Variants in ACCSL observed in about 807,000 individuals in gnomAD.
ACCSL encodes 1-aminocyclopropane-1-carboxylate synthase homolog (inactive) like.
A neutral mutation model predicts 61.7 loss-of-function variants in ACCSL; 55 were observed. The observed-to-expected ratio is 0.89, with a 90% CI of 0.72 to 1.12. ACCSL has a LOEUF of 1.12. ACCSL is among the 50% of genes most tolerant of loss of function. The pLI is 0.00. For missense variants in ACCSL, 632 were observed against 698.0 expected, an observed-to-expected ratio of 0.91 and a Z score of 1.07; for synonymous variants, 258 against 264.3, an observed-to-expected ratio of 0.98 and a Z score of 0.23.
At chr11:44,044,676 A>G (rs1468904280), upstream of ACCSL, among the ~76,000 whole-genome samples, 1 of 152,184 alleles carries the variant, frequency 6.6e-6, no homozygotes, top group African/African-American at 2.4e-5. Flanking sequence ...CTTGTAGGGC[A>G]CTAGAAAAAG....
At chr11:43,924,518 G>A in the ACCSL span, among the ~76,000 whole-genome samples, 2 of 152,244 alleles carry the variant, frequency 1.3e-5, no homozygotes, top group Non-Finnish European at 2.9e-5. Flanking sequence ...GGGGGCAGGC[G>A]AGTGGGACAG....
the ACCSL span, among the ~76,000 whole-genome samples, chr11:43,963,622 A>AGGCATTGTGGTGTATGTCTCTT: frequency 2.0e-5 from 3 of 152,220 alleles, no homozygotes; most frequent in African/African-American, 7.2e-5. Context: ...GTTTTCTCTC[A>AGGCATTGTGGTGTATGTCTCTT]GGCATTGTGG....
At chr11:43,940,256 G>A in the ACCSL span, among the ~76,000 whole-genome samples, 2 of 149,120 alleles carry the variant, frequency 1.3e-5, no homozygotes, top group Non-Finnish European at 1.5e-5. Flanking sequence ...TTGGGATTAC[G>A]GGTGTGAGCC....
At chr11:43,944,365 C>G in the ACCSL span, 1 of 157,738 alleles carries the variant, frequency 6.3e-6, no homozygotes, top group East Asian at 1.9e-4. Flanking sequence ...CTGGGTTGGT[C>G]GAGAGTGTGG....
chr11:43,980,458 A>G, the ACCSL span, among the ~76,000 whole-genome samples: 1 of 151,662 alleles, frequency 6.6e-6, no homozygotes. Context: ...TTGCCAATTG[A>G]GCAATGTTTA....
At chr11:44,046,633 A>C (rs1229569213), upstream of ACCSL, among the ~76,000 whole-genome samples, 1 of 152,180 alleles carries the variant, frequency 6.6e-6, no homozygotes, top group African/African-American at 2.4e-5. Flanking sequence ...TGGTGCCCTA[A>C]ATTTATAAAA....
the ACCSL span, among the ~76,000 whole-genome samples, chr11:43,961,075 C>G: frequency 6.6e-6 from 1 of 152,204 alleles, no homozygotes; most frequent in Admixed American, 6.5e-5. Flanking sequence ...CCCGCCTCGG[C>G]CTTCCAAAGC....
chr11:44,018,824 C>T, the ACCSL span, among the ~76,000 whole-genome samples: 56,585 of 151,956 alleles, frequency 0.37, 11,097 homozygotes, highest in Admixed American at 0.41. Context: ...GGAAATAAAA[C>T]GAAAATTAAA....
chr11:43,925,423 C>T, the ACCSL span: 1 of 456,104 alleles, frequency 2.2e-6, no homozygotes, highest in East Asian at 7.0e-5. Flanking sequence ...CTCCACGCTG[C>T]ACCAGCCAGG....
the ACCSL span, among the ~76,000 whole-genome samples, chr11:43,954,958 C>A: frequency 6.6e-6 from 1 of 152,228 alleles, no homozygotes; most frequent in Non-Finnish European, 1.5e-5. Context: ...TTCACCTGTG[C>A]AAGCTTCCAG....
the ACCSL span, among the ~76,000 whole-genome samples, chr11:43,964,521 C>G: frequency 6.6e-6 from 1 of 151,624 alleles, no homozygotes; most frequent in Non-Finnish European, 1.5e-5. Context: ...TGATTTCCAC[C>G]AAACATTTTA....
chr11:44,024,441 CTG>C, the ACCSL span, among the ~76,000 whole-genome samples: 47,784 of 130,592 alleles, frequency 0.37, 8,457 homozygotes, highest in Admixed American at 0.46. Context: ...CTCTCTCTCT[CTG>C]TGTGTGTGTG....
the ACCSL span, among the ~76,000 whole-genome samples, chr11:43,963,465 G>A: frequency 2.2e-4 from 34 of 152,336 alleles, no homozygotes; most frequent in African/African-American, 7.7e-4. Flanking sequence ...CTCAGAGGGA[G>A]CAACTTGGAT....
chr11:44,014,954 AC>A, the ACCSL span, among the ~76,000 whole-genome samples: 63 of 152,180 alleles, frequency 4.1e-4, 1 homozygote, highest in Admixed American at 4.1e-3. Context: ...TGGCGGCCTG[AC>A]TGCCTTCCCC....
At chr11:44,039,148 TC>T in the ACCSL span, among the ~76,000 whole-genome samples, 1 of 152,180 alleles carries the variant, frequency 6.6e-6, no homozygotes, top group Non-Finnish European at 1.5e-5. Flanking sequence ...GGAGATGGGC[TC>T]CCAGTGCAGG....
chr11:43,988,049 A>T, the ACCSL span, among the ~76,000 whole-genome samples: 1 of 152,180 alleles, frequency 6.6e-6, no homozygotes, highest in East Asian at 1.9e-4. Context: ...GGAAGGATGA[A>T]TGTCCCTGAT....
the ACCSL span, among the ~76,000 whole-genome samples, chr11:43,982,219 A>C: frequency 3.0e-5 from 4 of 134,080 alleles, no homozygotes; most frequent in East Asian, 2.1e-4. Context: ...TCCCACCCCA[A>C]GGCCCTCTTT....
At chr11:43,992,304 C>A in the ACCSL span, among the ~76,000 whole-genome samples, 1 of 152,168 alleles carries the variant, frequency 6.6e-6, no homozygotes. Context: ...CCCCGCCTCT[C>A]CTGAAGTGTT....
the ACCSL span, among the ~76,000 whole-genome samples, chr11:43,925,757 C>T: frequency 2.8e-4 from 43 of 152,274 alleles, no homozygotes; most frequent in East Asian, 7.0e-3. Flanking sequence ...TGAATCCCAG[C>T]TCTGCCCTTT....
Sources: allele counts gnomAD v4.1 joint callset (sites outside exome capture counted in the v4.1 genomes callset), GRCh38; gene constraint gnomAD v4.1.1; transcripts MANE v1.5; gene names NCBI Gene and HGNC (gene_info 2026-07-23, HGNC 2026-07-21).